Variants in CLTCL1 observed in about 807,000 individuals in gnomAD.
CLTCL1 encodes clathrin heavy chain 2.
In CLTCL1, 159 loss-of-function variants were observed where a neutral mutation model predicts 190.0. The ratio of observed to expected loss-of-function variants is 0.84; its 90% CI spans 0.74 to 0.95. CLTCL1 has a LOEUF of 0.95. Ranked by LOEUF, CLTCL1 falls within the 40% of genes least tolerant of loss-of-function variation. The probability of loss-of-function intolerance (pLI) is 0.00; values close to 1 mark genes in which losing one functional copy is unlikely to be tolerated. For missense variants in CLTCL1, 1,878 were observed against 2,033.4 expected (o/e 0.92, Z 1.47); for synonymous variants, 752 against 769.6 (o/e 0.98, Z 0.38).
chr22:19,180,468 C>T (rs1402982422), intron 31 of CLTCL1, among the ~76,000 whole-genome samples: 1 of 152,158 alleles, frequency 6.6e-6, no homozygotes, highest in African/African-American at 2.4e-5. Flanking sequence ...TGTCCAGGGG[C>T]CAGGCCCAGC....
Position 19,196,409 on chromosome 22 carries a change from T to C in CLTCL1, c.4048A>G (p.Arg1350Gly). The C allele has an allele frequency of 6.2e-7, 1 of 1,613,960 alleles. No individual in the cohort carries two copies. Among genetic ancestry groups the C allele is most frequent in the African/African-American group, 1.3e-5 (1 of 75,048 alleles). ...CACAGGTGTGCCTGCTCTGCAGCCC[T>C]CAGCACCTGGACAAGGAGGTCAGGG... ...WSRVNIPKVL[R>G]AAEQAHLWAE... Residue 1350 changes from arginine (R) to glycine (G), a missense_variant, in exon 26 of 33, where the codon AGG (arginine) becomes GGG (glycine). Arg to Gly is a moderately radical substitution (Grantham distance 125). Coordinates refer to ENST00000427926, the MANE Select transcript of CLTCL1 (RefSeq NM_007098.4).
chr22:19,254,036 G>C lies in CLTCL1; in HGVS notation c.442C>G (p.Leu148Val). Residue 148 changes from leucine to valine, a missense_variant, in exon 3 of 33, where the codon CTG becomes GTG. Leu to Val is a conservative substitution (Grantham distance 32). Transcript: ENST00000427926. The stretch of plus-strand genomic sequence containing the variant: ...TAGTGAATCACCTGGCAGCCCACCA[G>C]ACTGGTATGTCTATCAAACATCTTC... ...PMKMFDRHTS[L>V]VGCQVIHYRT... The C allele has an allele frequency of 6.2e-7, 1 of 1,612,414 alleles. No homozygotes were observed. Among genetic ancestry groups the C allele is most frequent in the East Asian group, 2.2e-5 (1 of 44,854 alleles).
chr22:19,259,561 T>C (rs782564366), intron 2 of CLTCL1, among the ~76,000 whole-genome samples: 3 of 152,338 alleles, frequency 2.0e-5, no homozygotes, highest in Non-Finnish European at 4.4e-5. Context: ...ATATTTGTTA[T>C]ACTGCTCTGT....
At chr22:19,290,631 T>G (rs1310775406) in intron 1 of CLTCL1, among the ~76,000 whole-genome samples, 1 of 152,142 alleles carries the variant, frequency 6.6e-6, no homozygotes, top group Non-Finnish European at 1.5e-5. Context: ...GGGACTGGAC[T>G]GCACTACACA....
intron 26 of CLTCL1, 22 bp from the exon 27 acceptor site, chr22:19,191,457 G>A: frequency 6.2e-7 from 1 of 1,610,852 alleles, no homozygotes; most frequent in African/African-American, 1.3e-5. Flanking sequence ...AAAGCTGAGG[G>A]TCAGTCCCTG....
At chr22:19,241,892 G>C (rs1246051311) in intron 4 of CLTCL1, among the ~76,000 whole-genome samples, 1 of 151,878 alleles carries the variant, frequency 6.6e-6, no homozygotes, top group African/African-American at 2.4e-5. Flanking sequence ...GCACCACACT[G>C]GTGATTTCAC....
chr22:19,239,335 C>A lies in CLTCL1; in HGVS notation c.735G>T (p.Lys245Asn). The A allele has an allele frequency of 6.2e-7, 1 of 1,614,030 alleles. No homozygotes were observed. The highest frequency in any genetic ancestry group is 8.5e-7 in the Non-Finnish European group (1 of 1,179,894). ...QPAAGNQPFVKKAVDVFFPPE... is the reference protein window; with the variant it reads ...QPAAGNQPFVNKAVDVFFPPE... ...GAGGAAAAAACACATCTACTGCTTT[C>A]TTTACAAAAGGTTGGTTTCCCGCTG... is the stretch of plus-strand genomic sequence containing the variant. Residue 245 changes from lysine to asparagine, a missense_variant, in exon 5 of 33, where the codon AAG becomes AAT. Coordinates refer to ENST00000427926, the MANE Select transcript of CLTCL1 (RefSeq NM_007098.4).
At chr22:19,183,251 C>G in intron 30 of CLTCL1, 139 bp downstream of exon 30, 1 of 694,546 alleles carries the variant, frequency 1.4e-6, no homozygotes, top group South Asian at 1.8e-5. Context: ...AGCAGCCACT[C>G]CTGAAGGCAG....
intron 16 of CLTCL1, 62 bp downstream of exon 16, chr22:19,221,886 GACA>G (rs2085582977): frequency 6.4e-7 from 1 of 1,562,452 alleles, no homozygotes; most frequent in East Asian, 2.2e-5. Flanking sequence ...TGGAGAATTA[GACA>G]GAAACAACAA....
At chr22:19,277,173 T>C (rs1555983888) in intron 1 of CLTCL1, among the ~76,000 whole-genome samples, 1 of 151,988 alleles carries the variant, frequency 6.6e-6, no homozygotes, top group Non-Finnish European at 1.5e-5. Flanking sequence ...TTCAGGACGG[T>C]GCCTTGTTTG....
rs1453425178 is a variant in CLTCL1 at position 19,230,103 on chromosome 22, T to G, written c.1645-128A>C. On this transcript the variant is annotated intron_variant, in intron 10 of 32. Coordinates refer to ENST00000427926, the MANE Select transcript of CLTCL1 (RefSeq NM_007098.4). ...GCAATTAGTTCCCTCCCTTGGTTTT[T>G]TTTTTTTTTTTGAGATGGAGTCTCG... is the stretch of plus-strand genomic sequence containing the variant. The G allele has an allele frequency of 8.3e-5, 84 of 1,007,048 alleles. No individual in the cohort carries two copies. The East Asian group carries it at 2.4e-3, about 29-fold the overall frequency. 62.4% of individuals were successfully genotyped at this position (1,007,048 alleles called of 1,614,324 possible).
chr22:19,199,772 G>T lies in CLTCL1; in HGVS notation c.3835C>A (p.His1279Asn). Residue 1279 changes from histidine to asparagine, a missense_variant, in exon 24 of 33, where the codon CAT (histidine) becomes AAT (asparagine). His to Asn is a moderately conservative substitution (Grantham distance 68). Coordinates refer to ENST00000427926, the MANE Select transcript of CLTCL1 (RefSeq NM_007098.4). ...ATCAGCTCCTCCAGCTCATCTGCAT[G>T]AATGACGATGTGAAGACCACACAGC... ...AQLCGLHIVI[H>N]ADELEELMCY... 1 of 1,596,166 alleles carries T rather than the reference G, an allele frequency of 6.3e-7. No homozygotes were observed. Among genetic ancestry groups the T allele is most frequent in the Non-Finnish European group, 8.5e-7 (1 of 1,171,702 alleles).
At chr22:19,204,046 C>T (rs1274551288) in intron 22 of CLTCL1, among the ~76,000 whole-genome samples, 1 of 152,226 alleles carries the variant, frequency 6.6e-6, no homozygotes, top group Non-Finnish European at 1.5e-5. Context: ...CTTGCGACAT[C>T]ACTGCACCAT....
chr22:19,199,867 G>A, intron 23 of CLTCL1, 26 bp from the exon 24 acceptor site: 3 of 1,516,700 alleles, frequency 2.0e-6, no homozygotes, highest in Non-Finnish European at 1.8e-6. Context: ...CAAGCGTGAG[G>A]GTCCCCAAGA....
At chr22:19,236,824 G>T (rs563681036) in intron 5 of CLTCL1, among the ~76,000 whole-genome samples, 1 of 151,988 alleles carries the variant, frequency 6.6e-6, no homozygotes, top group Admixed American at 6.6e-5. Flanking sequence ...GTGGAAAATA[G>T]GCACTTTAAT....
At chr22:19,225,013 C>T (rs1051853357) in intron 13 of CLTCL1, among the ~76,000 whole-genome samples, 12 of 152,164 alleles carry the variant, frequency 7.9e-5, no homozygotes, top group Admixed American at 6.5e-5. Context: ...TTGTCAGCCC[C>T]CCACAATCAA....
chr22:19,226,202 C>G lies in CLTCL1; in HGVS notation c.1947+17G>C. 6.2e-7 allele frequency: 1 copy of G among 1,611,846 alleles called. No homozygotes were observed. The highest frequency in any genetic ancestry group is 1.7e-5 in the Admixed American group (1 of 59,894). ...TAGACAACAGCCATAATAGGAGTGC[C>G]CAGGGGTACACAGTACCTCGGGATT... On this transcript the variant is annotated intron_variant, in intron 12 of 32. Transcript: ENST00000427926.
chr22:19,230,097 G>GTTTTTTT lies in CLTCL1; in HGVS notation c.1645-123_1645-122insAAAAAAA, dbSNP rs374875733. ...AATTCAGCAATTAGTTCCCTCCCTTGGTTTTTTTTTTTTTTTTGAGATGGA... is the reference window on the plus strand; with the variant it reads ...AATTCAGCAATTAGTTCCCTCCCTTGTTTTTTTGTTTTTTTTTTTTTTTTGAGATGGA... On this transcript the variant is annotated intron_variant, in intron 10 of 32. Transcript: ENST00000427926. 3.9e-5 allele frequency: 22 copies of GTTTTTTT among 565,672 alleles called. 9 individuals carry two copies. The highest frequency in any genetic ancestry group is 2.8e-5 in the Non-Finnish European group (11 of 386,496). 35.0% of individuals were successfully genotyped at this position (565,672 alleles called of 1,614,324 possible).
intron 7 of CLTCL1, among the ~76,000 whole-genome samples, chr22:19,234,175 A>G (rs184614300): frequency 6.6e-6 from 1 of 152,358 alleles, no homozygotes; most frequent in East Asian, 1.9e-4. Flanking sequence ...GGGAACAACC[A>G]CTTGATGTAT....
Sources: gnomAD v4.1 joint callset for allele counts (sites outside exome capture counted in the v4.1 genomes callset) on GRCh38, gnomAD v4.1.1 for gene constraint, MANE v1.5 for transcripts, NCBI Gene and HGNC (gene_info 2026-07-23, HGNC 2026-07-21) for gene names.